Variants in PDCL2 observed in about 807,000 individuals in gnomAD.
The protein encoded by PDCL2 is phosducin-like protein 2.
Under a neutral mutation model 30.3 loss-of-function variants are expected in PDCL2, and 23 were observed. That is an observed-to-expected ratio of 0.76 (90% CI 0.55 to 1.08). The LOEUF (loss-of-function observed/expected upper bound fraction) is 1.08. Among genes scored for constraint, PDCL2 ranks in the 50% least tolerant of loss-of-function variants. The pLI is 0.00. For synonymous variants in PDCL2, 68 were observed against 86.2 expected (o/e 0.79, Z 1.17); for missense variants, 243 against 282.3 (o/e 0.86, Z 1.00).
chr4:55,569,606 T>C (rs1732367158), intron 4 of PDCL2, 112 bp downstream of exon 4: 3 of 608,952 alleles, frequency 4.9e-6, no homozygotes, highest in Non-Finnish European at 7.8e-6. Flanking sequence ...ATGTGTGCAA[T>C]ATATAGTTGC....
intron 4 of PDCL2, among the ~76,000 whole-genome samples, chr4:55,564,352 G>C (rs1732207953): frequency 1.3e-5 from 2 of 152,156 alleles, no homozygotes; most frequent in African/African-American, 4.8e-5. Context: ...GTTGCCCGAA[G>C]ACAGTTCTGA....
At chr4:55,565,354 A>C (rs1041003302) in intron 4 of PDCL2, among the ~76,000 whole-genome samples, 18 of 152,164 alleles carry the variant, frequency 1.2e-4, no homozygotes, top group African/African-American at 4.3e-4. Context: ...GTAATTATAA[A>C]GGAAAGAGGT....
chr4:55,580,412 G>C (rs558460543), intron 3 of PDCL2, among the ~76,000 whole-genome samples: 42 of 152,256 alleles, frequency 2.8e-4, no homozygotes, highest in Admixed American at 1.2e-3. Context: ...TAGTTGTGAA[G>C]TAAGTTGGGA....
chr4:55,565,783 T>C (rs1016747685), intron 4 of PDCL2, among the ~76,000 whole-genome samples: 2 of 151,982 alleles, frequency 1.3e-5, no homozygotes, highest in Non-Finnish European at 2.9e-5. Flanking sequence ...TGAGTAATAA[T>C]AAAACTCTAG....
chr4:55,577,639 G>A (rs1420904889), intron 3 of PDCL2, among the ~76,000 whole-genome samples: 1 of 152,156 alleles, frequency 6.6e-6, no homozygotes, highest in African/African-American at 2.4e-5. Context: ...AGGAACTGGG[G>A]ACAAAGATCA....
chr4:55,559,659 T>G (rs1401518160), intron 5 of PDCL2, among the ~76,000 whole-genome samples: 1 of 152,200 alleles, frequency 6.6e-6, no homozygotes, highest in East Asian at 1.9e-4. Context: ...TCTGTGTATA[T>G]TCCCAGAAGA....
chr4:55,591,480 T>C (rs1732998961), intron 1 of PDCL2, among the ~76,000 whole-genome samples: 1 of 152,260 alleles, frequency 6.6e-6, no homozygotes, highest in Admixed American at 6.5e-5. Flanking sequence ...CCTCTGCCTC[T>C]GGTTCAAGCG....
At position 55,589,488 on chromosome 4, in the gene PDCL2, C is replaced by T. The variant is rs139268514; in HGVS notation, c.6+2616G>A. Among the ~76,000 whole-genome samples the T allele has an allele frequency of 2.5e-3, 380 of 152,250 alleles. 8 individuals carry two copies. Among genetic ancestry groups the T allele is most frequent in the Admixed American group, 0.019 (290 of 15,298 alleles). On this transcript the variant is annotated intron_variant, in intron 1 of 5. Coordinates refer to ENST00000295645, the MANE Select transcript of PDCL2 (RefSeq NM_152401.3). ...AATCCATATGAGAGCTGTCTTAGGC[C>T]GAAATGTTTTTCGACAGGGTTTACT...
At chr4:55,563,537 G>C (rs896039164) in intron 4 of PDCL2, among the ~76,000 whole-genome samples, 1 of 152,142 alleles carries the variant, frequency 6.6e-6, no homozygotes, top group Non-Finnish European at 1.5e-5. Flanking sequence ...CAAGGTTTTA[G>C]GGGCCAAGGG....
chr4:55,570,682 C>G (rs754486116), intron 3 of PDCL2, among the ~76,000 whole-genome samples: 55 of 152,214 alleles, frequency 3.6e-4, no homozygotes, highest in Non-Finnish European at 3.7e-4. Context: ...ACCTATTTAT[C>G]TATCCATAGA....
At chr4:55,582,335 G>C (rs1184751288) in intron 1 of PDCL2, 98 bp from the exon 2 acceptor site, 1 of 1,295,280 alleles carries the variant, frequency 7.7e-7, no homozygotes, top group Non-Finnish European at 1.0e-6. Context: ...GTATTCAATT[G>C]TTCATGAACT....
intron 5 of PDCL2, among the ~76,000 whole-genome samples, chr4:55,561,049 C>T (rs1040507638): frequency 1.1e-4 from 16 of 151,876 alleles, no homozygotes; most frequent in African/African-American, 3.9e-4. Context: ...TTCATGAATG[C>T]TTACTATATT....
At position 55,587,216 on chromosome 4, in the gene PDCL2, TAAAAAAAAAAAAAAA is replaced by T. The variant is rs869107656; in HGVS notation, c.6+4873_6+4887del. Among the ~76,000 whole-genome samples the T allele has an allele frequency of 5.1e-4, 32 of 62,834 alleles. No homozygotes were observed. The South Asian group carries it at 0.019, about 38-fold the overall frequency. 41.2% of individuals were successfully genotyped at this position (62,834 alleles called of 152,430 possible). A position where few individuals can be genotyped will look rare whatever the true frequency, so the allele number is the denominator to read the frequency against. On this transcript the variant is annotated intron_variant, in intron 1 of 5. Transcript: ENST00000295645. ...CCTCACGTGGCAAAAGACAGAATAGTAAAAAAAAAAAAAAAAAAAAAAAAAAAAAAGGGACATACT... is the reference window on the plus strand; with the variant it reads ...CCTCACGTGGCAAAAGACAGAATAGTAAAAAAAAAAAAAAAGGGACATACT...
Position 55,562,606 on chromosome 4 carries a change from T to A in PDCL2, c.369A>T (p.Pro123=), listed in dbSNP as rs1013350163. ...GATGCTGGTTAACCAACAAACACAT[T>A]GGGATGCTAAAAAGAGAAACAGTAC... is the stretch of plus-strand genomic sequence containing the variant. ...VIIHLYRSSI[P]MCLLVNQHLS... Residue 123 remains proline (P), a synonymous_variant, in exon 5 of 6, where the codon CCA becomes CCT. Coordinates refer to ENST00000295645, the MANE Select transcript of PDCL2 (RefSeq NM_152401.3). 3 of 1,579,738 alleles carry A rather than the reference T, an allele frequency of 1.9e-6. No individual in the cohort carries two copies. The highest frequency in any genetic ancestry group is 2.6e-6 in the Non-Finnish European group (3 of 1,165,038).
chr4:55,578,603 A>G (rs1732630259), intron 3 of PDCL2, among the ~76,000 whole-genome samples: 1 of 151,058 alleles, frequency 6.6e-6, no homozygotes, highest in Non-Finnish European at 1.5e-5. Flanking sequence ...TTTTTTTTTA[A>G]TGAGTTCTTC....
chr4:55,565,971 C>CTTTTTTTTTTTTTTTTTTTT (rs1732253293), intron 4 of PDCL2, among the ~76,000 whole-genome samples: 1 of 87,012 alleles, frequency 1.1e-5, no homozygotes, highest in African/African-American at 4.5e-5. Flanking sequence ...ATCCATTTTT[C>CTTTTTTTTTTTTTTTTTTTT]TGTTTTTTTT....
Position 55,592,237 on chromosome 4 carries a change from C to G in PDCL2, c.-128G>C. The G allele has an allele frequency of 1.5e-6, 2 of 1,372,404 alleles. No homozygotes were observed. The highest frequency in any genetic ancestry group is 5.0e-5 in the East Asian group (2 of 39,844). 85.0% of individuals were successfully genotyped at this position (1,372,404 alleles called of 1,614,324 possible). A position where few individuals can be genotyped will look rare whatever the true frequency, so the allele number is the denominator to read the frequency against. ...CAGGCCCGGCGGTTTCGAGTGACCG[C>G]CAGAAGAGGGAGAGGCGAACAAGGA... On this transcript the variant is annotated 5_prime_UTR_variant, in exon 1 of 6. Coordinates refer to ENST00000295645, the MANE Select transcript of PDCL2 (RefSeq NM_152401.3).
intron 3 of PDCL2, among the ~76,000 whole-genome samples, chr4:55,580,002 C>A (rs1256623699): frequency 6.6e-6 from 1 of 152,028 alleles, no homozygotes; most frequent in African/African-American, 2.4e-5. Context: ...CAAGCACCAC[C>A]ATGCCTGGCT....
chr4:55,566,957 A>G (rs929920124), intron 4 of PDCL2, among the ~76,000 whole-genome samples: 2 of 152,218 alleles, frequency 1.3e-5, no homozygotes, highest in African/African-American at 4.8e-5. Flanking sequence ...AGTAACCATT[A>G]AGCTAGATAA....
Sources: gnomAD v4.1 joint callset for allele counts (sites outside exome capture counted in the v4.1 genomes callset) on GRCh38, gnomAD v4.1.1 for gene constraint, MANE v1.5 for transcripts, NCBI Gene and HGNC (gene_info 2026-07-23, HGNC 2026-07-21) for gene names.